The following LDHC variants were observed in gnomAD, a reference collection of about 807,000 sequenced individuals.
The protein encoded by LDHC is lactate dehydrogenase C.
Under a neutral mutation model 30.2 loss-of-function variants are expected in LDHC, and 20 were observed. The observed-to-expected ratio is 0.66, with a 90% CI of 0.47 to 0.96. The LOEUF is 0.96. Ranked by LOEUF, LDHC falls within the 40% of genes least tolerant of loss-of-function variation. The pLI is 0.00. For missense variants in LDHC, 362 were observed against 394.9 expected, an observed-to-expected ratio of 0.92 and a Z score of 0.71; for synonymous variants, 139 against 132.7, an observed-to-expected ratio of 1.05 and a Z score of -0.32.
chr11:18,432,327 G>T (rs1848280931), intron 4 of LDHC, among the ~76,000 whole-genome samples: 2 of 152,136 alleles, frequency 1.3e-5, no homozygotes, highest in African/African-American at 4.8e-5. Context: ...GTCTGAGAGT[G>T]CTTGATATAA....
chr11:18,444,440 A>G (rs1460399754), intron 6 of LDHC, among the ~76,000 whole-genome samples: 1 of 150,810 alleles, frequency 6.6e-6, no homozygotes. Context: ...CTTTCCTTTT[A>G]CTTACCCCCG....
At chr11:18,442,120 C>T (rs757568932) in intron 6 of LDHC, among the ~76,000 whole-genome samples, 9 of 152,060 alleles carry the variant, frequency 5.9e-5, no homozygotes, top group Non-Finnish European at 1.2e-4. Context: ...TCTTAATGCA[C>T]TTCCTGTCAC....
At chr11:18,447,583 G>A (rs913125407) in intron 7 of LDHC, among the ~76,000 whole-genome samples, 10 of 152,148 alleles carry the variant, frequency 6.6e-5, no homozygotes, top group African/African-American at 2.4e-4. Context: ...AGTTAACAAG[G>A]ATAATGGCAG....
chr11:18,439,433 G>T (rs1257725726), intron 6 of LDHC, among the ~76,000 whole-genome samples: 4 of 151,268 alleles, frequency 2.6e-5, no homozygotes, highest in African/African-American at 9.7e-5. Context: ...TGTGGTGATG[G>T]GCGCCTGTAA....
At chr11:18,416,723 C>T (rs1867028976) in intron 3 of LDHC, among the ~76,000 whole-genome samples, 1 of 149,256 alleles carries the variant, frequency 6.7e-6, no homozygotes, top group Middle Eastern at 3.4e-3. Context: ...CTTTCCCCTT[C>T]CTTCCCCCTT....
chr11:18,442,412 A>G (rs1430946149), intron 6 of LDHC, among the ~76,000 whole-genome samples: 2 of 152,104 alleles, frequency 1.3e-5, no homozygotes, highest in African/African-American at 4.8e-5. Flanking sequence ...TCTTTGTATC[A>G]TATATTCTTC....
chr11:18,447,100 A>G (rs1176101657), intron 7 of LDHC, among the ~76,000 whole-genome samples: 1 of 151,204 alleles, frequency 6.6e-6, no homozygotes, highest in Non-Finnish European at 1.5e-5. Flanking sequence ...GTAGATTTGT[A>G]TATTTGACAT....
At chr11:18,438,470 T>A (rs893956847) in intron 5 of LDHC, 58 bp from the exon 6 acceptor site, 2 of 1,118,226 alleles carry the variant, frequency 1.8e-6, no homozygotes, top group African/African-American at 3.1e-5. Context: ...AACACTGAAC[T>A]CAAACTCCTG....
chr11:18,419,400 TAAA>T lies in LDHC; in HGVS notation c.244+4101_244+4103del, dbSNP rs1433682931. Among the ~76,000 whole-genome samples, 3 of 152,324 alleles carry T rather than the reference TAAA, an allele frequency of 2.0e-5. No individual in the cohort carries two copies. The East Asian group carries it at 5.8e-4, about 29-fold the overall frequency. On this transcript the variant is annotated intron_variant, in intron 3 of 7. Transcript: ENST00000541669. ...TCTCCCTGCCTTTGGGGACTACAAG[TAAA>T]ATTGAATGTCTTAGACACTTTAGTG...
chr11:18,441,905 AAAAAC>A (rs1195435324), intron 6 of LDHC, among the ~76,000 whole-genome samples: 4 of 152,072 alleles, frequency 2.6e-5, no homozygotes, highest in Non-Finnish European at 5.9e-5. Context: ...GACTCCGTCT[AAAAAC>A]AAAACAAAAC....
intron 3 of LDHC, among the ~76,000 whole-genome samples, chr11:18,420,839 T>C (rs1214227285): frequency 2.0e-5 from 3 of 151,558 alleles, no homozygotes; most frequent in Admixed American, 1.3e-4. Flanking sequence ...TGAAGGCAAA[T>C]CTAAATAAAT....
chr11:18,441,828 C>T (rs1848471532), intron 6 of LDHC, among the ~76,000 whole-genome samples: 2 of 152,090 alleles, frequency 1.3e-5, no homozygotes, highest in African/African-American at 4.8e-5. Context: ...ATCACTTGAA[C>T]CCAGGAGGTG....
At chr11:18,447,362 C>G (rs1278371515) in intron 7 of LDHC, among the ~76,000 whole-genome samples, 3 of 152,070 alleles carry the variant, frequency 2.0e-5, no homozygotes, top group Non-Finnish European at 2.9e-5. Context: ...GTCTTGATCT[C>G]CTGACCTCGT....
At chr11:18,414,018 T>C in intron 2 of LDHC, among the ~76,000 whole-genome samples, 1 of 152,208 alleles carries the variant, frequency 6.6e-6, no homozygotes, top group South Asian at 2.1e-4. Flanking sequence ...GTTTAGATTT[T>C]CTCTGTTGGC....
At chr11:18,440,144 C>CA (rs35749455) in intron 6 of LDHC, among the ~76,000 whole-genome samples, 888 of 83,034 alleles carry the variant, frequency 0.011, 13 homozygotes, top group South Asian at 0.025. Flanking sequence ...TACTAAAATA[C>CA]AAAAAAAAAA....
chr11:18,441,363 G>A (rs1241807638), intron 6 of LDHC, among the ~76,000 whole-genome samples: 1 of 151,562 alleles, frequency 6.6e-6, no homozygotes, highest in Admixed American at 6.6e-5. Flanking sequence ...TTGTCGCCAG[G>A]CTGGAGTGCA....
chr11:18,437,580 G>A (rs907024764), intron 5 of LDHC, among the ~76,000 whole-genome samples: 12 of 152,042 alleles, frequency 7.9e-5, no homozygotes, highest in Middle Eastern at 3.4e-3. Context: ...GTGAAAACCC[G>A]TCTCTACTAA....
chr11:18,449,067 G>A (rs1386644072), intron 7 of LDHC, among the ~76,000 whole-genome samples: 1 of 148,790 alleles, frequency 6.7e-6, no homozygotes, highest in South Asian at 2.1e-4. Context: ...GAGATGACAG[G>A]AGGTAAAGGG....
chr11:18,449,116 A>T (rs1848606144), intron 7 of LDHC, among the ~76,000 whole-genome samples: 1 of 152,062 alleles, frequency 6.6e-6, no homozygotes, highest in African/African-American at 2.4e-5. Flanking sequence ...AAGCAGAGGG[A>T]CTTCTTCCCC....
Sources: allele counts gnomAD v4.1 joint callset (sites outside exome capture counted in the v4.1 genomes callset), GRCh38; gene constraint gnomAD v4.1.1; transcripts MANE v1.5; gene names NCBI Gene and HGNC (gene_info 2026-07-23, HGNC 2026-07-21).